The following TANGO6 variants were observed in gnomAD, a reference collection of about 807,000 sequenced individuals.
The protein encoded by TANGO6 is transport and golgi organization 6 homolog, also known as transport and Golgi organization protein 6 homolog.
Under a neutral mutation model 114.2 loss-of-function variants are expected in TANGO6, and 90 were observed. The observed-to-expected ratio is 0.79, with a 90% CI of 0.66 to 0.94. The LOEUF (loss-of-function observed/expected upper bound fraction) is 0.94, where lower values mean the gene tolerates loss of function less well. TANGO6 is among the 40% of genes least tolerant of loss of function. The pLI is 0.00. For synonymous variants in TANGO6, 477 were observed against 509.8 expected (o/e 0.94, Z 0.87); for missense variants, 1,274 against 1,315.3 (o/e 0.97, Z 0.49).
intron 17 of TANGO6, among the ~76,000 whole-genome samples, chr16:69,074,279 GTA>G (rs140423804): frequency 8.6e-5 from 13 of 150,308 alleles, no homozygotes; most frequent in African/African-American, 1.5e-4. Flanking sequence ...GTGTGTGTGT[GTA>G]TATATATATA....
intron 1 of TANGO6, among the ~76,000 whole-genome samples, chr16:68,852,455 C>CA (rs60922133): frequency 8.7e-5 from 13 of 149,832 alleles, no homozygotes; most frequent in South Asian, 4.2e-4. Flanking sequence ...TTTATATTTT[C>CA]AAAAAAAAAA....
chr16:68,955,924 G>T (rs1467487435), intron 14 of TANGO6, among the ~76,000 whole-genome samples: 2 of 152,088 alleles, frequency 1.3e-5, no homozygotes, highest in Non-Finnish European at 2.9e-5. Context: ...CCCGAGGCTG[G>T]AGGATTACCT....
chr16:68,850,897 A>G (rs1961891929), intron 1 of TANGO6, among the ~76,000 whole-genome samples: 1 of 151,898 alleles, frequency 6.6e-6, no homozygotes. Context: ...ATTGTTTTGC[A>G]TTTTCTTTTT....
intron 15 of TANGO6, among the ~76,000 whole-genome samples, chr16:68,981,437 C>T (rs1186884402): frequency 2.0e-5 from 3 of 152,102 alleles, no homozygotes; most frequent in Non-Finnish European, 4.4e-5. Context: ...TCTCGACCTC[C>T]TGACCTCAGG....
intron 17 of TANGO6, among the ~76,000 whole-genome samples, chr16:69,058,554 C>G (rs547739211): frequency 6.6e-6 from 1 of 152,162 alleles, no homozygotes; most frequent in Non-Finnish European, 1.5e-5. Context: ...CTTGGCTGTT[C>G]TGAAGGAACT....
At chr16:68,856,245 G>T (rs1961990245) in intron 1 of TANGO6, among the ~76,000 whole-genome samples, 1 of 152,178 alleles carries the variant, frequency 6.6e-6, no homozygotes, top group African/African-American at 2.4e-5. Flanking sequence ...TTTGTCCGTG[G>T]ATACCCTTTA....
intron 15 of TANGO6, among the ~76,000 whole-genome samples, chr16:68,989,810 A>G (rs1452551152): frequency 1.3e-5 from 2 of 152,208 alleles, no homozygotes; most frequent in African/African-American, 2.4e-5. Context: ...TGTGGTGGGC[A>G]GCAGCTCAAA....
chr16:69,016,480 T>G (rs1959300345), intron 15 of TANGO6, among the ~76,000 whole-genome samples: 1 of 152,152 alleles, frequency 6.6e-6, no homozygotes, highest in Non-Finnish European at 1.5e-5. Context: ...CTTCATGATG[T>G]TCCTTCTTTT....
intron 1 of TANGO6, among the ~76,000 whole-genome samples, chr16:68,857,024 G>T (rs1962006425): frequency 6.6e-6 from 1 of 152,238 alleles, no homozygotes; most frequent in South Asian, 2.1e-4. Context: ...CCGGAGAATG[G>T]CCTGAACCCA....
In TANGO6 at chr16:68,987,758, T is replaced by C. The variant is rs187540166; in HGVS notation, c.2842+13590T>C. Among the ~76,000 whole-genome samples, 11 of 152,322 alleles carry C rather than the reference T, an allele frequency of 7.2e-5. No individual in the cohort carries two copies. In the East Asian group the frequency reaches 2.1e-3, roughly 29 times the overall value. On this transcript the variant is annotated intron_variant, in intron 15 of 17. Coordinates refer to ENST00000261778, the MANE Select transcript of TANGO6 (RefSeq NM_024562.2). Reference sequence around the variant, plus strand: ...GCCATCTGCTATGTCTTTTGTCAAGTAAAGAAAAATATCTTTTGAAAACTG... The same window carrying C: ...GCCATCTGCTATGTCTTTTGTCAAGCAAAGAAAAATATCTTTTGAAAACTG...
At chr16:69,061,311 T>C (rs1287792809) in intron 17 of TANGO6, among the ~76,000 whole-genome samples, 2 of 152,148 alleles carry the variant, frequency 1.3e-5, no homozygotes, top group Admixed American at 1.3e-4. Flanking sequence ...ATGCCTGTAA[T>C]CCCAGCACTT....
At chr16:68,955,963 C>T in intron 14 of TANGO6, among the ~76,000 whole-genome samples, 1 of 151,996 alleles carries the variant, frequency 6.6e-6, no homozygotes, top group East Asian at 1.9e-4. Context: ...CCAGCCTGGC[C>T]AACATGGTGA....
chr16:69,076,410 A>G (rs1051605413), intron 17 of TANGO6, among the ~76,000 whole-genome samples: 6 of 152,178 alleles, frequency 3.9e-5, no homozygotes, highest in Admixed American at 1.3e-4. Flanking sequence ...TGATACATTT[A>G]CATTCGACCA....
chr16:68,950,218 G>A (rs1299314010), intron 14 of TANGO6, among the ~76,000 whole-genome samples: 9 of 152,114 alleles, frequency 5.9e-5, no homozygotes, highest in Admixed American at 3.9e-4. Context: ...ATTAGATAGT[G>A]GGGATTATTG....
chr16:69,010,666 T>C (rs1401168109), intron 15 of TANGO6, among the ~76,000 whole-genome samples: 1 of 152,180 alleles, frequency 6.6e-6, no homozygotes, highest in Non-Finnish European at 1.5e-5. Context: ...CCCTCCTCCA[T>C]GAAATCTTCC....
intron 17 of TANGO6, 29 bp downstream of exon 17, chr16:69,040,450 TC>T: frequency 6.5e-7 from 1 of 1,529,086 alleles, no homozygotes; most frequent in Non-Finnish European, 8.9e-7. Flanking sequence ...CTTTGCAATT[TC>T]TCCACCTCTT....
chr16:69,080,685 C>T (rs1960450338), intron 17 of TANGO6, among the ~76,000 whole-genome samples: 1 of 152,152 alleles, frequency 6.6e-6, no homozygotes, highest in Middle Eastern at 3.2e-3. Flanking sequence ...CAGAGCCTTA[C>T]CTTTTAATAT....
At chr16:69,014,568 C>T (rs920741266) in intron 15 of TANGO6, among the ~76,000 whole-genome samples, 2 of 152,144 alleles carry the variant, frequency 1.3e-5, no homozygotes, top group African/African-American at 4.8e-5. Flanking sequence ...GAGATGTATA[C>T]AAAATTTGAC....
Position 68,878,228 on chromosome 16 carries a change from G to C in TANGO6, c.1242G>C (p.Lys414Asn), listed in dbSNP as rs776621752. ...LSRERPHLAA[K>N]YLLQPVLAPL... Reference sequence around the variant, plus strand: ...GAGAACGCCCACATTTGGCAGCAAAGTATTTGCTCCAGCCAGTGTTAGCTC... The same window carrying C: ...GAGAACGCCCACATTTGGCAGCAAACTATTTGCTCCAGCCAGTGTTAGCTC... Residue 414 changes from lysine (K) to asparagine (N), a missense_variant, in exon 6 of 18, where the codon AAG becomes AAC. Physicochemically the swap from Lys to Asn is moderately conservative, Grantham distance 94. Around this residue, in one of 5 missense-constraint regions of TANGO6, gnomAD observed 908 missense variants for 910.2 expected, o/e 1.00. Coordinates refer to ENST00000261778, the MANE Select transcript of TANGO6 (RefSeq NM_024562.2). 2 of 1,613,220 alleles carry C rather than the reference G, an allele frequency of 1.2e-6. No homozygotes were observed. Among genetic ancestry groups the C allele is most frequent in the Non-Finnish European group, 1.7e-6 (2 of 1,179,614 alleles).
Sources: gnomAD v4.1 joint callset for allele counts (sites outside exome capture counted in the v4.1 genomes callset) on GRCh38, gnomAD v4.1.1 for gene constraint, gnomAD v4.1.1 regional missense constraint, MANE v1.5 for transcripts, NCBI Gene and HGNC (gene_info 2026-07-23, HGNC 2026-07-21) for gene names.